The following EBF3 variants were observed in gnomAD, a reference collection of about 807,000 sequenced individuals.
EBF3 encodes transcription factor COE3.
EBF3 carries 18 observed loss-of-function variants against 77.1 expected under a neutral mutation model. The observed-to-expected ratio is 0.23, with a 90% CI of 0.16 to 0.35. EBF3 has a LOEUF of 0.35. Among genes scored for constraint, EBF3 ranks in the 10% least tolerant of loss-of-function variants. The pLI is 1.00. For missense variants in EBF3, 558 were observed against 860.0 expected, an observed-to-expected ratio of 0.65 and a Z score of 4.39; for synonymous variants, 350 against 343.5, an observed-to-expected ratio of 1.02 and a Z score of -0.21.
At chr10:129,849,336 TC>T (rs1169661354) in intron 10 of EBF3, among the ~76,000 whole-genome samples, 1 of 152,234 alleles carries the variant, frequency 6.6e-6, no homozygotes, top group East Asian at 1.9e-4. Context: ...GATGGCGTTT[TC>T]CGTGGAGTCA....
chr10:129,923,953 A>G (rs954505738), intron 6 of EBF3, among the ~76,000 whole-genome samples: 2 of 152,344 alleles, frequency 1.3e-5, no homozygotes, highest in Admixed American at 6.5e-5. Context: ...CAACGAAATG[A>G]TTCAAAAATG....
chr10:129,902,206 G>A (rs1191255472), intron 6 of EBF3, among the ~76,000 whole-genome samples: 1 of 151,228 alleles, frequency 6.6e-6, no homozygotes, highest in African/African-American at 2.4e-5. Flanking sequence ...TAGTTAGCTG[G>A]GGAAACACAA....
intron 7 of EBF3, among the ~76,000 whole-genome samples, chr10:129,876,423 T>A (rs888474088): frequency 2.0e-5 from 3 of 152,246 alleles, no homozygotes; most frequent in Non-Finnish European, 4.4e-5. Context: ...ACCAGTATCC[T>A]GTGAAGCCTA....
chr10:129,867,093 G>C (rs760366464), intron 10 of EBF3, 48 bp downstream of exon 10: 1 of 1,591,664 alleles, frequency 6.3e-7, no homozygotes, highest in African/African-American at 1.3e-5. Context: ...TCCTGGTGGG[G>C]AGGAGGCCTC....
intron 10 of EBF3, among the ~76,000 whole-genome samples, chr10:129,860,965 A>C (rs886151128): frequency 6.6e-6 from 1 of 152,224 alleles, no homozygotes; most frequent in African/African-American, 2.4e-5. Flanking sequence ...GATTAGGACA[A>C]ATAGTCTACT....
intron 6 of EBF3, among the ~76,000 whole-genome samples, chr10:129,888,975 C>T (rs1416256262): frequency 1.3e-5 from 2 of 152,172 alleles, no homozygotes; most frequent in Non-Finnish European, 2.9e-5. Flanking sequence ...AGGCCAGAGG[C>T]GTGACAGCAG....
In EBF3 at chr10:129,837,928, C is replaced by T. The variant is rs1849710889; in HGVS notation, c.*15G>A. 6.2e-7 allele frequency: 1 copy of T among 1,614,060 alleles called. No individual in the cohort carries two copies. Among genetic ancestry groups the T allele is most frequent in the Non-Finnish European group, 8.5e-7 (1 of 1,180,048 alleles). ...TGCTGCGGAAGGTAAACAGAAGTCC[C>T]TCACATTGGCGGGACTACCAGCCCA... On this transcript the variant is annotated 3_prime_UTR_variant, in exon 17 of 17. Transcript: ENST00000440978.
intron 6 of EBF3, among the ~76,000 whole-genome samples, chr10:129,900,207 C>A (rs904774696): frequency 3.3e-5 from 5 of 152,186 alleles, no homozygotes; most frequent in Non-Finnish European, 5.9e-5. Context: ...CCCTGGGATA[C>A]AAAAATATCC....
In EBF3 at chr10:129,879,277, C is replaced by T. The variant is rs1853028472; in HGVS notation, c.555-1428G>A. Among the ~76,000 whole-genome samples the T allele has an allele frequency of 6.6e-6, 1 of 152,216 alleles. No homozygotes were observed. The highest frequency in any genetic ancestry group is 1.5e-5 in the Non-Finnish European group (1 of 68,046). ...GCTTGGGTCTGTGCTGAAACACCCA[C>T]TCTCTGCACGTGGCCAAGCATCCTG... On this transcript the variant is annotated intron_variant, in intron 6 of 16. Transcript: ENST00000440978. This position sits in a 1 kb window ranked among gnomAD's most constrained non-coding sequence, Gnocchi z 4.7.
intron 6 of EBF3, among the ~76,000 whole-genome samples, chr10:129,936,168 G>A (rs1423489735): frequency 6.6e-6 from 1 of 152,174 alleles, no homozygotes; most frequent in Non-Finnish European, 1.5e-5. Context: ...ACACCCACCT[G>A]ACAGTTATAA....
intron 10 of EBF3, among the ~76,000 whole-genome samples, chr10:129,857,456 G>A (rs1387321666): frequency 6.6e-6 from 1 of 152,136 alleles, no homozygotes; most frequent in African/African-American, 2.4e-5. Flanking sequence ...AACGCCTGCT[G>A]CTCAGCCTCC....
chr10:129,930,924 CCT>C (rs1182576817), intron 6 of EBF3, among the ~76,000 whole-genome samples: 9 of 143,944 alleles, frequency 6.3e-5, no homozygotes, highest in African/African-American at 1.3e-4. Context: ...AACAAATCCC[CCT>C]CTCATATATC....
chr10:129,888,379 G>C (rs533796095), intron 6 of EBF3, among the ~76,000 whole-genome samples: 3 of 152,232 alleles, frequency 2.0e-5, no homozygotes, highest in Admixed American at 2.0e-4. Flanking sequence ...TAAAGAGGTC[G>C]TTAAAGGCTG....
intron 4 of EBF3, among the ~76,000 whole-genome samples, chr10:129,961,109 A>T (rs1859481596): frequency 6.6e-6 from 1 of 152,266 alleles, no homozygotes; most frequent in South Asian, 2.1e-4. Context: ...AACTAATTGC[A>T]TGCAGAGAGT....
At chr10:129,939,455 G>A (rs1035285984) in intron 6 of EBF3, among the ~76,000 whole-genome samples, 4 of 152,200 alleles carry the variant, frequency 2.6e-5, no homozygotes, top group Non-Finnish European at 4.4e-5. Flanking sequence ...ACACGTGACC[G>A]TTCCTCTGGG....
chr10:129,926,967 G>C (rs1382149241), intron 6 of EBF3, among the ~76,000 whole-genome samples: 1 of 152,212 alleles, frequency 6.6e-6, no homozygotes, highest in African/African-American at 2.4e-5. Flanking sequence ...TTGGGACTCT[G>C]AACAGGTGGG....
rs1857547173 is a variant in EBF3, at chr10:129,939,024, A to G, written c.554+18234T>C. On this transcript the variant is annotated intron_variant, in intron 6 of 16. Coordinates refer to ENST00000440978, the MANE Select transcript of EBF3 (RefSeq NM_001375380.1). The stretch of plus-strand genomic sequence containing the variant: ...GATGTCTTTCTTTTTCAGAGGAAAC[A>G]CCAAACCACTCCACTGCACAAAATA... Among the ~76,000 whole-genome samples, 2 of 152,204 alleles carry G rather than the reference A, an allele frequency of 1.3e-5. 1 individual carries two copies. Among genetic ancestry groups the G allele is most frequent in the South Asian group, 4.1e-4 (2 of 4,832 alleles).
At chr10:129,850,242 G>A (rs1850771346) in intron 10 of EBF3, among the ~76,000 whole-genome samples, 1 of 152,220 alleles carries the variant, frequency 6.6e-6, no homozygotes, top group African/African-American at 2.4e-5. Context: ...TAGATGGGCG[G>A]CCATTATTGA....
At chr10:129,951,977 C>T (rs1275957327) in intron 6 of EBF3, among the ~76,000 whole-genome samples, 1 of 152,244 alleles carries the variant, frequency 6.6e-6, no homozygotes, top group East Asian at 1.9e-4. Flanking sequence ...GGGAATAAAA[C>T]AGCCATTCAC....
Sources: allele counts gnomAD v4.1 joint callset (sites outside exome capture counted in the v4.1 genomes callset), GRCh38; gene constraint gnomAD v4.1.1; non-coding constraint Gnocchi (gnomAD v3.1); transcripts MANE v1.5; gene names NCBI Gene and HGNC (gene_info 2026-07-23, HGNC 2026-07-21).